The following TXN2 variants were observed in gnomAD, a reference collection of about 807,000 sequenced individuals.
TXN2 encodes thioredoxin 2.
A neutral mutation model predicts 14.6 loss-of-function variants in TXN2; 12 were observed. The observed-to-expected ratio is 0.82, with a 90% CI of 0.53 to 1.33. TXN2 has a LOEUF of 1.33. Ranked by LOEUF, TXN2 falls within the 40% of genes most tolerant of loss-of-function variation. The probability of loss-of-function intolerance (pLI) is 0.00; values close to 1 mark genes in which losing one functional copy is unlikely to be tolerated. For synonymous variants in TXN2, 89 were observed against 81.0 expected (o/e 1.10, Z -0.53); for missense variants, 173 against 207.7 (o/e 0.83, Z 1.03).
chr22:36,468,457 C>T, intron 3 of TXN2: 1 of 306,274 alleles, frequency 3.3e-6, no homozygotes, highest in South Asian at 2.5e-5. Flanking sequence ...GGCACAGTGG[C>T]TTATATCTAT....
chr22:36,471,300 T>C (rs1933269021), intron 3 of TXN2, among the ~76,000 whole-genome samples: 1 of 152,228 alleles, frequency 6.6e-6, no homozygotes, highest in Non-Finnish European at 1.5e-5. Context: ...AAAGACCCTC[T>C]GAACTCGGCA....
chr22:36,478,519 T>C (rs982676186), intron 2 of TXN2, among the ~76,000 whole-genome samples: 13 of 152,186 alleles, frequency 8.5e-5, no homozygotes, highest in Admixed American at 7.9e-4. Context: ...AGATGGAGTC[T>C]CACTCTGTTG....
intron 3 of TXN2, among the ~76,000 whole-genome samples, chr22:36,476,209 T>C (rs1218551796): frequency 2.6e-5 from 4 of 152,152 alleles, no homozygotes; most frequent in Non-Finnish European, 5.9e-5. Flanking sequence ...TTTTGGGTCA[T>C]ACGATCTACT....
At position 36,467,765 on chromosome 22, in the gene TXN2, T is replaced by C. The variant is rs749128941; in HGVS notation, c.*39A>G. The C allele has an allele frequency of 6.5e-7, 1 of 1,548,606 alleles. No homozygotes were observed. The highest frequency in any genetic ancestry group is 1.7e-5 in the Admixed American group (1 of 59,896). ...ATGGAAGGGCTGAGTTCTATTGGGG[T>C]CCCACGCGGGCAAGGGAACCAGGAC... On this transcript the variant is annotated 3_prime_UTR_variant, in exon 4 of 4. Coordinates refer to ENST00000216185, the MANE Select transcript of TXN2 (RefSeq NM_012473.4).
Position 36,480,751 on chromosome 22 carries a change from G to A in TXN2, c.87C>T (p.Ser29=), listed in dbSNP as rs199512391. Residue 29 remains serine (S), a synonymous_variant, in exon 2 of 4, where the codon TCC becomes TCT. Transcript: ENST00000216185. ...PSQGQWPPLT[S]RALQTPQCSP... ...TGCATTGTGGGGTCTGCAGGGCTCT[G>A]GAAGTGAGGGGTGGCCACTGACCCT... 5.0e-5 allele frequency: 81 copies of A among 1,613,856 alleles called. No individual in the cohort carries two copies. Among genetic ancestry groups the A allele is most frequent in the Non-Finnish European group, 6.4e-5 (76 of 1,179,940 alleles).
chr22:36,468,546 A>C lies in TXN2; in HGVS notation c.388-629T>G, dbSNP rs1311250434. The C allele has an allele frequency of 2.0e-5, 7 of 345,310 alleles. 1 individual carries two copies. The highest frequency in any genetic ancestry group is 1.5e-4 in the South Asian group (7 of 47,410). 21.4% of individuals were successfully genotyped at this position (345,310 alleles called of 1,614,324 possible). A position where few individuals can be genotyped will look rare whatever the true frequency, so the allele number is the denominator to read the frequency against. ...CCAGACCAGCTTGGGCAATATAGTG[A>C]GACCCTTTGTTTACTAAACCCCCCC... On this transcript the variant is annotated intron_variant, in intron 3 of 3. Coordinates refer to ENST00000216185, the MANE Select transcript of TXN2 (RefSeq NM_012473.4).
chr22:36,467,581 A>C lies in TXN2; in HGVS notation c.*223T>G. On this transcript the variant is annotated 3_prime_UTR_variant, in exon 4 of 4. Transcript: ENST00000216185. ...CCCTAGAAGGAGGGATGAAAGGCGT[A>C]TGGGAGGGAAGACAGCGGTCCCCGG... is the stretch of plus-strand genomic sequence containing the variant. The C allele has an allele frequency of 1.9e-6, 1 of 531,468 alleles. No individual in the cohort carries two copies. Among genetic ancestry groups the C allele is most frequent in the Non-Finnish European group, 3.4e-6 (1 of 292,466 alleles). 32.9% of individuals were successfully genotyped at this position (531,468 alleles called of 1,614,324 possible). A position where few individuals can be genotyped will look rare whatever the true frequency, so the allele number is the denominator to read the frequency against.
chr22:36,474,476 A>C (rs997067445), intron 3 of TXN2, among the ~76,000 whole-genome samples: 8 of 152,124 alleles, frequency 5.3e-5, no homozygotes, highest in African/African-American at 1.9e-4. Flanking sequence ...GTCTAGTAAG[A>C]GTGAAACCTG....
intron 3 of TXN2, 92 bp downstream of exon 3, chr22:36,476,641 T>G: frequency 6.5e-7 from 1 of 1,539,900 alleles, no homozygotes. Flanking sequence ...ACTGGCTACC[T>G]GTGCTCCCCA....
rs1012944633 is a variant in TXN2 at position 36,468,303 on chromosome 22, C to T, written c.388-386G>A. ...AGGAGACAGAAGCTGGGGGACAGTT[C>T]GAGTCCTGGCTTTGCACTCACTAGC... On this transcript the variant is annotated intron_variant, in intron 3 of 3. Coordinates refer to ENST00000216185, the MANE Select transcript of TXN2 (RefSeq NM_012473.4). Among the ~76,000 whole-genome samples the T allele has an allele frequency of 2.6e-5, 4 of 152,184 alleles. 1 individual carries two copies. The South Asian group carries it at 6.2e-4, about 24-fold the overall frequency.
At chr22:36,476,517 G>A (rs562483409) in intron 3 of TXN2, among the ~76,000 whole-genome samples, 13 of 152,128 alleles carry the variant, frequency 8.5e-5, no homozygotes, top group East Asian at 7.7e-4. Flanking sequence ...GCGTGAACCC[G>A]GGAGGCAGAG....
chr22:36,469,753 C>T (rs1280604287), intron 3 of TXN2, among the ~76,000 whole-genome samples: 2 of 152,204 alleles, frequency 1.3e-5, no homozygotes, highest in East Asian at 1.9e-4. Context: ...GTCAGGAGTT[C>T]GAGACCAGCC....
intron 3 of TXN2, among the ~76,000 whole-genome samples, chr22:36,473,353 G>A (rs1933321344): frequency 6.6e-6 from 1 of 152,190 alleles, no homozygotes; most frequent in African/African-American, 2.4e-5. Flanking sequence ...TGAGGCAGGA[G>A]AATCGCTTGA....
chr22:36,480,690 G>A lies in TXN2; in HGVS notation c.148C>T (p.Arg50Trp). ...GAGATCCTCGTGGTGTATATTGTCC[G>A]GGCTGGGTTGGGTGTTACAGTCAGG... ...GGLTVTPNPA[R>W]TIYTTRISLT... Residue 50 changes from arginine (R) to tryptophan (W), a missense_variant, in exon 2 of 4, where the codon CGG becomes TGG. By Grantham distance (101) the Arg-to-Trp change is moderately radical (BLOSUM62 -3). Coordinates refer to ENST00000216185, the MANE Select transcript of TXN2 (RefSeq NM_012473.4). The A allele has an allele frequency of 6.2e-7, 1 of 1,614,138 alleles. No individual in the cohort carries two copies. The highest frequency in any genetic ancestry group is 8.5e-7 in the Non-Finnish European group (1 of 1,180,030).
chr22:36,469,291 G>A (rs1467497408), intron 3 of TXN2, among the ~76,000 whole-genome samples: 1 of 152,190 alleles, frequency 6.6e-6, no homozygotes, highest in Non-Finnish European at 1.5e-5. Flanking sequence ...CTGGCATTGT[G>A]CCTGGCATAC....
Position 36,467,679 on chromosome 22 carries a change from C to T in TXN2, c.*125G>A, listed in dbSNP as rs41283211. ...AGCTCGGAAGCACTCAGGGCTGGAGCCTGGGCTCTAAGCATGGGCCCCAGG... is the reference window on the plus strand; with the variant it reads ...AGCTCGGAAGCACTCAGGGCTGGAGTCTGGGCTCTAAGCATGGGCCCCAGG... On this transcript the variant is annotated 3_prime_UTR_variant, in exon 4 of 4. Transcript: ENST00000216185. 1 of 813,816 alleles carries T rather than the reference C, an allele frequency of 1.2e-6. No individual in the cohort carries two copies. Among genetic ancestry groups the T allele is most frequent in the Non-Finnish European group, 2.0e-6 (1 of 491,370 alleles). The allele number at this position is 813,816 out of a possible 1,614,324, so 50.4% of individuals were successfully genotyped here.
intron 3 of TXN2, among the ~76,000 whole-genome samples, chr22:36,476,168 A>T (rs1933381282): frequency 6.6e-6 from 1 of 152,146 alleles, no homozygotes; most frequent in Admixed American, 6.6e-5. Context: ...GGAATGTACC[A>T]ATGTCTGAGA....
chr22:36,474,906 C>A lies in TXN2; in HGVS notation c.387+1827G>T, dbSNP rs1933355336. ...TCCAAGGCCCAGAGGAAGCCCCCAACCCAGACACCTCCAGGCACCTGGCCC... is the reference window on the plus strand; with the variant it reads ...TCCAAGGCCCAGAGGAAGCCCCCAAACCAGACACCTCCAGGCACCTGGCCC... On this transcript the variant is annotated intron_variant, in intron 3 of 3. Coordinates refer to ENST00000216185, the MANE Select transcript of TXN2 (RefSeq NM_012473.4). Among the ~76,000 whole-genome samples, 4 of 152,350 alleles carry A rather than the reference C, an allele frequency of 2.6e-5. No individual in the cohort carries two copies. In the South Asian group the frequency reaches 8.3e-4, roughly 32 times the overall value.
At chr22:36,478,232 T>G (rs1181254962) in intron 2 of TXN2, among the ~76,000 whole-genome samples, 1 of 151,578 alleles carries the variant, frequency 6.6e-6, no homozygotes, top group Non-Finnish European at 1.5e-5. Context: ...GCCCTGATCA[T>G]AGGTATTCCC....
Sources: allele counts gnomAD v4.1 joint callset (sites outside exome capture counted in the v4.1 genomes callset), GRCh38; gene constraint gnomAD v4.1.1; transcripts MANE v1.5; gene names NCBI Gene and HGNC (gene_info 2026-07-23, HGNC 2026-07-21).